The following FBXW8 variants were observed in gnomAD, a reference collection of about 807,000 sequenced individuals.
The protein encoded by FBXW8 is F-box/WD repeat-containing protein 8.
A neutral mutation model predicts 65.3 loss-of-function variants in FBXW8; 57 were observed. The observed-to-expected ratio is 0.87, with a 90% CI of 0.71 to 1.09. FBXW8 has a LOEUF of 1.09. Ranked by LOEUF, FBXW8 falls within the 50% of genes least tolerant of loss-of-function variation. The probability of loss-of-function intolerance (pLI) is 0.00; values close to 1 mark genes in which losing one functional copy is unlikely to be tolerated. For synonymous variants in FBXW8, 308 were observed against 330.2 expected (o/e 0.93, Z 0.73); for missense variants, 777 against 814.8 (o/e 0.95, Z 0.57).
At chr12:116,999,183 T>C (rs1953450083) in intron 7 of FBXW8, among the ~76,000 whole-genome samples, 1 of 152,176 alleles carries the variant, frequency 6.6e-6, no homozygotes, top group African/African-American at 2.4e-5. Flanking sequence ...TCAGCCCACA[T>C]CTGAGCGGTC....
chr12:116,912,833 T>G (rs1488893382), intron 1 of FBXW8, among the ~76,000 whole-genome samples: 1 of 152,242 alleles, frequency 6.6e-6, no homozygotes, highest in Non-Finnish European at 1.5e-5. Context: ...ATATGTAGTT[T>G]ACTCAAATAG....
chr12:116,975,399 A>G lies in FBXW8; in HGVS notation c.836-9807A>G, dbSNP rs544535791. On this transcript the variant is annotated intron_variant, in intron 5 of 10. Coordinates refer to ENST00000652555, the MANE Select transcript of FBXW8 (RefSeq NM_153348.3). ...CCTTCCAGGCAGTGCCTTCTCTCAC[A>G]TGGTGGAAAGGGCAAAGGAGCTCTC... is the stretch of plus-strand genomic sequence containing the variant. 2.6e-5 allele frequency among the ~76,000 whole-genome samples: 4 copies of G among 152,342 alleles called. No individual in the cohort carries two copies. In the East Asian group the frequency reaches 7.7e-4, roughly 29 times the overall value.
intron 4 of FBXW8, among the ~76,000 whole-genome samples, chr12:116,963,676 A>G (rs1884132073): frequency 6.6e-6 from 1 of 152,208 alleles, no homozygotes; most frequent in Non-Finnish European, 1.5e-5. Context: ...CTAATGTGTC[A>G]CATCATAGAT....
intron 1 of FBXW8, among the ~76,000 whole-genome samples, chr12:116,913,100 T>C (rs1236438518): frequency 6.6e-6 from 1 of 152,178 alleles, no homozygotes; most frequent in African/African-American, 2.4e-5. Flanking sequence ...GGTTATAATA[T>C]AGGTTCTGGG....
At chr12:116,962,761 C>T (rs890136434) in intron 4 of FBXW8, among the ~76,000 whole-genome samples, 1 of 152,176 alleles carries the variant, frequency 6.6e-6, no homozygotes, top group Non-Finnish European at 1.5e-5. Context: ...TCTAGTCCCC[C>T]AGTCTAGACA....
intron 5 of FBXW8, among the ~76,000 whole-genome samples, chr12:116,965,773 A>G: frequency 6.6e-6 from 1 of 152,102 alleles, no homozygotes; most frequent in Non-Finnish European, 1.5e-5. Context: ...ACCTATATAT[A>G]TTTGAGACAG....
chr12:117,011,029 G>C (rs556759291), intron 8 of FBXW8, among the ~76,000 whole-genome samples: 3 of 152,138 alleles, frequency 2.0e-5, no homozygotes, highest in South Asian at 4.1e-4. Context: ...GGCGCCCCAG[G>C]AACCATCAGC....
Position 117,030,485 on chromosome 12 carries a change from G to C in FBXW8, c.*2313G>C, listed in dbSNP as rs925690583. ...CCTTTCTCTCTCATAGTCTTAATGC[G>C]TCTGGACCACTGGGGAAAATATTTT... On this transcript the variant is annotated 3_prime_UTR_variant, in exon 11 of 11. Transcript: ENST00000652555. The C allele has an allele frequency of 1.3e-5, 2 of 152,314 alleles. No individual in the cohort carries two copies. Among genetic ancestry groups the C allele is most frequent in the Non-Finnish European group, 2.9e-5 (2 of 68,036 alleles). The allele number at this position is 152,314 out of a possible 1,614,324, so 9.4% of individuals were successfully genotyped here. A position where few individuals can be genotyped will look rare whatever the true frequency, so the allele number is the denominator to read the frequency against.
At chr12:117,012,757 C>T (rs1953856857) in intron 8 of FBXW8, among the ~76,000 whole-genome samples, 1 of 152,126 alleles carries the variant, frequency 6.6e-6, no homozygotes, top group Non-Finnish European at 1.5e-5. Context: ...TTTACAAACC[C>T]TAGAACCTTC....
chr12:116,983,915 A>G (rs1364198765), intron 5 of FBXW8, among the ~76,000 whole-genome samples: 1 of 152,254 alleles, frequency 6.6e-6, no homozygotes, highest in Non-Finnish European at 1.5e-5. Context: ...CAGAAAGGCT[A>G]ACAGGCTCAG....
intron 5 of FBXW8, among the ~76,000 whole-genome samples, chr12:116,982,587 G>A (rs953373204): frequency 6.6e-5 from 10 of 150,548 alleles, no homozygotes; most frequent in Non-Finnish European, 1.2e-4. Context: ...GCTTTCAGGA[G>A]AGAAAGATTT....
At chr12:116,931,281 A>G (rs553846586) in intron 2 of FBXW8, among the ~76,000 whole-genome samples, 24 of 152,294 alleles carry the variant, frequency 1.6e-4, no homozygotes, top group Non-Finnish European at 2.8e-4. Flanking sequence ...GTACATTGCT[A>G]TAGCTTTGTA....
chr12:116,977,588 C>T (rs1885034966), intron 5 of FBXW8: 1 of 152,282 alleles, frequency 6.6e-6, no homozygotes, highest in South Asian at 2.1e-4. Context: ...ATTCCCCACT[C>T]CCCTCCTTAG....
intron 4 of FBXW8, 75 bp downstream of exon 4, chr12:116,949,781 C>A: frequency 7.4e-7 from 1 of 1,349,404 alleles, no homozygotes; most frequent in Non-Finnish European, 1.1e-6. Context: ...CTCTGAGTAC[C>A]AGTGACCTTA....
intron 10 of FBXW8, 50 bp downstream of exon 10, chr12:117,027,554 T>A: frequency 7.1e-7 from 1 of 1,405,258 alleles, no homozygotes; most frequent in African/African-American, 1.4e-5. Flanking sequence ...TTGACTGATG[T>A]ATAGAACCCC....
In FBXW8 at chr12:117,030,398, TC is replaced by T. The variant is rs1270474471; in HGVS notation, c.*2227del. ...CAGGATTTTGTTTACTTTCATCATG[TC>T]ATGTGGTGGTCAGACTGCTCGCTGG... On this transcript the variant is annotated 3_prime_UTR_variant, in exon 11 of 11. Transcript: ENST00000652555. 2 of 152,202 alleles carry T rather than the reference TC, an allele frequency of 1.3e-5. No individual in the cohort carries two copies. Among genetic ancestry groups the T allele is most frequent in the Non-Finnish European group, 2.9e-5 (2 of 68,046 alleles). The allele number at this position is 152,202 out of a possible 1,614,324, so 9.4% of individuals were successfully genotyped here.
At chr12:116,929,097 C>T (rs773468832) in intron 2 of FBXW8, among the ~76,000 whole-genome samples, 16 of 149,550 alleles carry the variant, frequency 1.1e-4, no homozygotes, top group Non-Finnish European at 1.8e-4. Context: ...TGAGCCACCG[C>T]GCCCGGCCCC....
chr12:116,988,305 A>G (rs1953148768), intron 6 of FBXW8, among the ~76,000 whole-genome samples: 1 of 152,220 alleles, frequency 6.6e-6, no homozygotes, highest in Non-Finnish European at 1.5e-5. Flanking sequence ...GGACAAGATT[A>G]TATCCCCACC....
intron 1 of FBXW8, among the ~76,000 whole-genome samples, chr12:116,923,002 C>T (rs982465150): frequency 6.6e-6 from 1 of 151,956 alleles, no homozygotes; most frequent in Admixed American, 6.6e-5. Flanking sequence ...GCCGAGAGTT[C>T]GAGACTAGCC....
Sources: allele counts gnomAD v4.1 joint callset (sites outside exome capture counted in the v4.1 genomes callset), GRCh38; gene constraint gnomAD v4.1.1; transcripts MANE v1.5; gene names NCBI Gene and HGNC (gene_info 2026-07-23, HGNC 2026-07-21).